The following RGPD6 variants were observed in gnomAD, a reference collection of about 807,000 sequenced individuals.
The protein encoded by RGPD6 is RANBP2-like and GRIP domain-containing protein 5/6.
the RGPD6 span, among the ~76,000 whole-genome samples, chr2:110,608,334 T>G: frequency 2.0e-5 from 3 of 148,644 alleles, no homozygotes; most frequent in Admixed American, 6.7e-5. Flanking sequence ...AAGCTTCTAT[T>G]TCCTCATCTA....
the RGPD6 span, among the ~76,000 whole-genome samples, chr2:110,609,247 TCATAA>T: frequency 3.6e-5 from 2 of 55,160 alleles, no homozygotes; most frequent in Non-Finnish European, 7.0e-5. Flanking sequence ...TTTTACACAG[TCATAA>T]CATGTTTCAT....
the RGPD6 span, among the ~76,000 whole-genome samples, chr2:110,609,607 CAT>C: frequency 7.0e-6 from 1 of 142,490 alleles, no homozygotes; most frequent in Non-Finnish European, 1.5e-5. Flanking sequence ...GTTTTAGACA[CAT>C]GTGAACTCTT....
the RGPD6 span, among the ~76,000 whole-genome samples, chr2:110,601,301 A>G: frequency 7.0e-6 from 1 of 143,054 alleles, no homozygotes; most frequent in African/African-American, 2.6e-5. Flanking sequence ...CAATGCATCT[A>G]AAGGTCAGAA....
At chr2:110,601,377 C>T in the RGPD6 span, among the ~76,000 whole-genome samples, 1 of 148,958 alleles carries the variant, frequency 6.7e-6, no homozygotes, top group African/African-American at 2.5e-5. Flanking sequence ...CTTCTTGGGA[C>T]CCAACAGAGT....
At chr2:110,604,594 A>C in the RGPD6 span, among the ~76,000 whole-genome samples, 4 of 151,654 alleles carry the variant, frequency 2.6e-5, no homozygotes, top group African/African-American at 4.9e-5. Context: ...AAAACAACAA[A>C]AAAATTATGT....
chr2:110,589,325 G>T, the RGPD6 span, among the ~76,000 whole-genome samples: 4 of 147,148 alleles, frequency 2.7e-5, no homozygotes, highest in African/African-American at 1.0e-4. Context: ...ACTCCAGCCT[G>T]GGCAACAAGA....
chr2:110,601,391 C>A, the RGPD6 span, among the ~76,000 whole-genome samples: 161 of 149,488 alleles, frequency 1.1e-3, no homozygotes, highest in African/African-American at 3.9e-3. Context: ...ACAGAGTAAA[C>A]CTCTGAGTCT....
At chr2:110,604,542 A>G in the RGPD6 span, among the ~76,000 whole-genome samples, 2 of 150,066 alleles carry the variant, frequency 1.3e-5, no homozygotes, top group Non-Finnish European at 2.9e-5. Context: ...AAAAGGGAAC[A>G]GCCAACATTG....
the RGPD6 span, among the ~76,000 whole-genome samples, chr2:110,601,237 A>C: frequency 6.8e-6 from 1 of 147,406 alleles, no homozygotes; most frequent in Admixed American, 6.8e-5. Flanking sequence ...CAAGTGGGCC[A>C]TGTGGGCAAC....
the RGPD6 span, among the ~76,000 whole-genome samples, chr2:110,589,604 G>A: frequency 6.9e-6 from 1 of 144,554 alleles, no homozygotes; most frequent in Admixed American, 6.8e-5. Flanking sequence ...CGCCCTACAG[G>A]CACTGAGGTT....
chr2:110,601,078 T>A, the RGPD6 span, among the ~76,000 whole-genome samples: 12,209 of 136,738 alleles, frequency 0.089, no homozygotes, highest in East Asian at 0.18. Flanking sequence ...TCTATTTTAG[T>A]AAACTACAGA....
the RGPD6 span, among the ~76,000 whole-genome samples, chr2:110,600,153 G>A: frequency 7.2e-6 from 1 of 139,064 alleles, no homozygotes; most frequent in African/African-American, 2.6e-5. Context: ...TGTAACCTGA[G>A]TCCAGACTTC....
chr2:110,601,036 TC>T, the RGPD6 span, among the ~76,000 whole-genome samples: 1 of 152,016 alleles, frequency 6.6e-6, no homozygotes, highest in Non-Finnish European at 1.5e-5. Flanking sequence ...GCAAGGAAAG[TC>T]TACCTGCTTC....
chr2:110,600,136 A>C, the RGPD6 span, among the ~76,000 whole-genome samples: 1 of 146,192 alleles, frequency 6.8e-6, no homozygotes, highest in African/African-American at 2.5e-5. Flanking sequence ...GACTTTATCC[A>C]CATCACTGTA....
the RGPD6 span, among the ~76,000 whole-genome samples, chr2:110,601,634 AAG>A: frequency 6.8e-6 from 1 of 146,528 alleles, no homozygotes; most frequent in Non-Finnish European, 1.5e-5. Flanking sequence ...AATCTGAAGG[AAG>A]AGTTAGAACA....
At chr2:110,606,732 G>T in the RGPD6 span, among the ~76,000 whole-genome samples, 1 of 149,624 alleles carries the variant, frequency 6.7e-6, no homozygotes, top group East Asian at 2.0e-4. Context: ...ATGTCTCCAT[G>T]TACTCTCAAT....
At chr2:110,610,848 G>C in the RGPD6 span, 1 of 1,014,990 alleles carries the variant, frequency 9.9e-7, no homozygotes, top group Non-Finnish European at 1.2e-6. Flanking sequence ...CGCGCGCTGC[G>C]ACGAAAGGCG....
the RGPD6 span, chr2:110,610,925 G>GC: frequency 1.3e-6 from 1 of 795,062 alleles, no homozygotes; most frequent in Non-Finnish European, 1.5e-6. Flanking sequence ...GGCTCCCGAC[G>GC]CCCCCCGCCC....
the RGPD6 span, among the ~76,000 whole-genome samples, chr2:110,592,942 A>G: frequency 6.8e-6 from 1 of 146,960 alleles, no homozygotes; most frequent in African/African-American, 2.7e-5. Context: ...ACTATTACCA[A>G]GGTTATTCTA....
Sources: gnomAD v4.1 joint callset for allele counts (sites outside exome capture counted in the v4.1 genomes callset) on GRCh38, gnomAD v4.1.1 for gene constraint, MANE v1.5 for transcripts, NCBI Gene and HGNC (gene_info 2026-07-23, HGNC 2026-07-21) for gene names.